GPR141: variants seen among roughly 807,000 people sequenced by gnomAD.
GPR141 encodes G protein-coupled receptor 141.
Under a neutral mutation model 6.8 loss-of-function variants are expected in GPR141, and 6 were observed. The observed-to-expected ratio is 0.88, with a 90% CI of 0.48 to 1.74. The LOEUF (loss-of-function observed/expected upper bound fraction) is 1.74, where lower values mean the gene tolerates loss of function less well. Ranked by LOEUF, GPR141 falls within the 40% of genes most tolerant of loss-of-function variation. The pLI is 0.01. For missense variants in GPR141, 372 were observed against 372.9 expected (o/e 1.00, Z 0.02); for synonymous variants, 140 against 142.3 (o/e 0.98, Z 0.11).
At chr7:37,701,651 C>G (rs922403359) in intron 2 of GPR141, among the ~76,000 whole-genome samples, 4 of 152,058 alleles carry the variant, frequency 2.6e-5, no homozygotes, top group African/African-American at 9.7e-5. Context: ...ATCTGTCAAC[C>G]CTACACACAA....
At chr7:37,735,746 CTATAAATG>C (rs1812203704) in intron 2 of GPR141, among the ~76,000 whole-genome samples, 1 of 152,004 alleles carries the variant, frequency 6.6e-6, no homozygotes, top group Non-Finnish European at 1.5e-5. Context: ...AGAAGTATAT[CTATAAATG>C]TTCTTGACGA....
intron 2 of GPR141, among the ~76,000 whole-genome samples, chr7:37,712,536 T>G (rs1810852327): frequency 6.6e-6 from 1 of 152,160 alleles, no homozygotes; most frequent in Non-Finnish European, 1.5e-5. Flanking sequence ...CCTCTGTTTC[T>G]CCAGGTAATA....
intron 2 of GPR141, among the ~76,000 whole-genome samples, chr7:37,728,147 G>C (rs138787906): frequency 1.1e-4 from 17 of 152,210 alleles, no homozygotes; most frequent in Non-Finnish European, 1.8e-4. Context: ...ACTTTATTTT[G>C]ATGCCTTCAT....
chr7:37,704,740 A>G (rs1016831279), intron 2 of GPR141, among the ~76,000 whole-genome samples: 5 of 152,152 alleles, frequency 3.3e-5, no homozygotes, highest in African/African-American at 1.2e-4. Flanking sequence ...GGAAAGATCT[A>G]AGTCTCCAGC....
intron 2 of GPR141, among the ~76,000 whole-genome samples, chr7:37,720,005 C>A (rs1222801226): frequency 6.6e-6 from 1 of 152,128 alleles, no homozygotes; most frequent in Admixed American, 6.5e-5. Flanking sequence ...CAGCCTGGAA[C>A]CAGCCTCTGA....
chr7:37,712,308 G>C (rs1303471963), intron 2 of GPR141, among the ~76,000 whole-genome samples: 2 of 152,110 alleles, frequency 1.3e-5, no homozygotes, highest in African/African-American at 4.8e-5. Context: ...CATATCTCCT[G>C]GGCTGGCCTG....
At chr7:37,711,691 C>A (rs567170761) in intron 2 of GPR141, among the ~76,000 whole-genome samples, 1 of 152,282 alleles carries the variant, frequency 6.6e-6, no homozygotes, top group South Asian at 2.1e-4. Context: ...TGTGAATCTC[C>A]TAATTGGAGG....
At chr7:37,714,018 A>G (rs1023044150) in intron 2 of GPR141, among the ~76,000 whole-genome samples, 1 of 151,838 alleles carries the variant, frequency 6.6e-6, no homozygotes, top group African/African-American at 2.4e-5. Context: ...TGGTTTTTCT[A>G]TTATTTTTCA....
chr7:37,716,889 G>C (rs922919057), intron 2 of GPR141, among the ~76,000 whole-genome samples: 1 of 152,218 alleles, frequency 6.6e-6, no homozygotes, highest in African/African-American at 2.4e-5. Context: ...CAAATTCTTT[G>C]TTTCTAGGTA....
chr7:37,723,623 T>C (rs1180262302), intron 2 of GPR141, among the ~76,000 whole-genome samples: 5 of 152,184 alleles, frequency 3.3e-5, no homozygotes, highest in Admixed American at 6.5e-5. Context: ...TAAGGAGGCT[T>C]GGAGGCAAGG....
chr7:37,686,014 T>G (rs2131719821), intron 2 of GPR141, among the ~76,000 whole-genome samples: 1 of 152,114 alleles, frequency 6.6e-6, no homozygotes, highest in African/African-American at 2.4e-5. Context: ...AAAATATATT[T>G]TTGGGACAGG....
rs1350749422 is a variant in GPR141, at chr7:37,740,675, G to T, written c.282G>T (p.Met94Ile). 1.1e-5 allele frequency: 18 copies of T among 1,614,016 alleles called. No individual in the cohort carries two copies. The highest frequency in any genetic ancestry group is 1.4e-5 in the Non-Finnish European group (16 of 1,180,018). Reference sequence around the variant, plus strand: ...CCTTCTGCAAATTTGTGAGTGCCATGCTGCACATCCACATGTACCTCACGT... The same window carrying T: ...CCTTCTGCAAATTTGTGAGTGCCATTCTGCACATCCACATGTACCTCACGT... ...GLPFCKFVSA[M>I]LHIHMYLTFL... Residue 94 changes from methionine (M) to isoleucine (I), a missense_variant, in exon 3 of 3, where the codon ATG becomes ATT. Coordinates refer to ENST00000334425, the MANE Select transcript of GPR141 (RefSeq NM_001381946.1).
chr7:37,708,596 G>T (rs912715605), intron 2 of GPR141, among the ~76,000 whole-genome samples: 8 of 152,090 alleles, frequency 5.3e-5, no homozygotes, highest in African/African-American at 1.9e-4. Context: ...GGTTTCCTCT[G>T]GGAAGAGGCA....
intron 2 of GPR141, among the ~76,000 whole-genome samples, chr7:37,722,672 A>C (rs902481631): frequency 2.7e-5 from 4 of 150,118 alleles, no homozygotes; most frequent in African/African-American, 9.9e-5. Context: ...CAGTGAGCCA[A>C]CTTATGCCAC....
rs1204014871 is a variant in GPR141 at position 37,685,571 on chromosome 7, G to A, written c.-27G>A. On this transcript the variant is annotated 5_prime_UTR_variant, in exon 2 of 3. Coordinates refer to ENST00000334425, the MANE Select transcript of GPR141 (RefSeq NM_001381946.1). ...TCCTTTCATCTCAGCCTCCTCAGTA[G>A]CTGAGACTACAGGTACTTGCCACCA... 1.3e-5 allele frequency: 2 copies of A among 151,698 alleles called. No individual in the cohort carries two copies. The highest frequency in any genetic ancestry group is 4.8e-5 in the African/African-American group (2 of 41,242). 9.4% of individuals were successfully genotyped at this position (151,698 alleles called of 1,614,324 possible).
chr7:37,729,852 T>G (rs1025657173), intron 2 of GPR141: 1 of 152,206 alleles, frequency 6.6e-6, no homozygotes, highest in East Asian at 1.9e-4. Context: ...TTCCCTGGCT[T>G]CTTGTATTTG....
intron 2 of GPR141, among the ~76,000 whole-genome samples, chr7:37,713,933 G>T (rs1250606537): frequency 6.6e-6 from 1 of 152,152 alleles, no homozygotes; most frequent in African/African-American, 2.4e-5. Context: ...AACTCAGGAA[G>T]ATTAAATACA....
intron 1 of GPR141, among the ~76,000 whole-genome samples, 167 bp downstream of exon 1, chr7:37,684,070 C>T (rs929437938): frequency 6.6e-6 from 1 of 152,152 alleles, no homozygotes; most frequent in Non-Finnish European, 1.5e-5. Context: ...AAGAATTGTT[C>T]TATTCTTACT....
intron 2 of GPR141, among the ~76,000 whole-genome samples, chr7:37,725,380 C>T (rs1811574724): frequency 6.6e-6 from 1 of 152,068 alleles, no homozygotes; most frequent in Admixed American, 6.5e-5. Flanking sequence ...GCGGCCACAT[C>T]AGAGGGACCA....
Sources: allele counts gnomAD v4.1 joint callset (sites outside exome capture counted in the v4.1 genomes callset), GRCh38; gene constraint gnomAD v4.1.1; transcripts MANE v1.5; gene names NCBI Gene and HGNC (gene_info 2026-07-23, HGNC 2026-07-21).